Variants in DMC1 observed in about 807,000 individuals in gnomAD.
DMC1 encodes meiotic recombination protein DMC1 homolog.
A neutral mutation model predicts 50.1 loss-of-function variants in DMC1; 27 were observed. The ratio of observed to expected loss-of-function variants is 0.54; its 90% CI spans 0.40 to 0.74. The LOEUF (loss-of-function observed/expected upper bound fraction) is 0.74, where lower values mean the gene tolerates loss of function less well. DMC1 is among the 30% of genes least tolerant of loss of function. DMC1 has a pLI of 0.00. For missense variants in DMC1, 295 were observed against 420.2 expected (o/e 0.70, Z 2.60); for synonymous variants, 148 against 136.1 (o/e 1.09, Z -0.61).
At chr22:38,562,467 T>C in intron 4 of DMC1, 98 bp from the exon 5 acceptor site, 1 of 847,586 alleles carries the variant, frequency 1.2e-6, no homozygotes, top group African/African-American at 1.7e-5. Context: ...ATTAAGATCA[T>C]CATTTGGTAT....
intron 6 of DMC1, 96 bp downstream of exon 6, chr22:38,555,261 T>G: frequency 2.5e-6 from 2 of 802,574 alleles, no homozygotes; most frequent in Non-Finnish European, 4.2e-6. Context: ...AATTTATTAT[T>G]GGTTGTTTAT....
At chr22:38,563,825 G>T (rs1442839229) in intron 4 of DMC1, among the ~76,000 whole-genome samples, 1 of 151,566 alleles carries the variant, frequency 6.6e-6, no homozygotes, top group Non-Finnish European at 1.5e-5. Flanking sequence ...TCAGCCTCCC[G>T]AGTAGCTGGG....
At chr22:38,550,440 A>T (rs2090391528) in intron 7 of DMC1, among the ~76,000 whole-genome samples, 2 of 150,218 alleles carry the variant, frequency 1.3e-5, no homozygotes, top group Admixed American at 6.6e-5. Flanking sequence ...CAGCCTCCCA[A>T]GTAGCTGGGA....
At chr22:38,524,369 G>A (rs181082510) in intron 12 of DMC1, among the ~76,000 whole-genome samples, 2 of 152,088 alleles carry the variant, frequency 1.3e-5, no homozygotes, top group Admixed American at 1.3e-4. Flanking sequence ...AGCTGATCGC[G>A]CCACCGGTGG....
At chr22:38,527,218 T>A (rs1224855185) in intron 12 of DMC1, among the ~76,000 whole-genome samples, 1 of 152,154 alleles carries the variant, frequency 6.6e-6, no homozygotes, top group African/African-American at 2.4e-5. Flanking sequence ...TTTTATTTTT[T>A]TTTTTAGACG....
intron 12 of DMC1, among the ~76,000 whole-genome samples, chr22:38,527,214 T>TG (rs1208730549): frequency 6.7e-6 from 1 of 150,092 alleles, no homozygotes; most frequent in African/African-American, 2.4e-5. Context: ...CTTCTTTTAT[T>TG]TTTTTTTTTA....
downstream of DMC1, among the ~76,000 whole-genome samples, chr22:38,516,775 G>A (rs2089979339): frequency 6.6e-6 from 1 of 152,136 alleles, no homozygotes; most frequent in African/African-American, 2.4e-5. Context: ...CATTTCTGAG[G>A]CAGGGCAGGT....
chr22:38,534,501 G>A (rs752058446), intron 12 of DMC1, among the ~76,000 whole-genome samples: 1 of 151,970 alleles, frequency 6.6e-6, no homozygotes, highest in Non-Finnish European at 1.5e-5. Context: ...TCAGGAGTTC[G>A]AGACCAGCCT....
chr22:38,547,531 T>G (rs532470640), intron 8 of DMC1, among the ~76,000 whole-genome samples: 1 of 151,918 alleles, frequency 6.6e-6, no homozygotes, highest in Non-Finnish European at 1.5e-5. Context: ...ATATTTTTTC[T>G]TCCTATTTGT....
intron 8 of DMC1, among the ~76,000 whole-genome samples, chr22:38,548,987 C>A (rs1308508616): frequency 1.3e-5 from 2 of 152,288 alleles, no homozygotes; most frequent in East Asian, 3.9e-4. Context: ...GTTTCTCAAA[C>A]CTGTCTTTCC....
At chr22:38,516,911 G>C (rs564817886), downstream of DMC1, among the ~76,000 whole-genome samples, 2 of 152,050 alleles carry the variant, frequency 1.3e-5, no homozygotes, top group Non-Finnish European at 2.9e-5. Flanking sequence ...TTGCAGCCTC[G>C]ACTTCCTGGG....
At chr22:38,568,824 A>G (rs1270572495) in intron 1 of DMC1, among the ~76,000 whole-genome samples, 2 of 152,076 alleles carry the variant, frequency 1.3e-5, no homozygotes, top group Admixed American at 1.3e-4. Context: ...TGTAACATCC[A>G]CCTTTTTGTT....
intron 13 of DMC1, among the ~76,000 whole-genome samples, chr22:38,520,862 CTTTTTTG>C (rs142793497): frequency 0.019 from 2,917 of 151,694 alleles, 81 homozygotes; most frequent in African/African-American, 0.067. Context: ...TTATCCAATT[CTTTTTTG>C]TTTTTTGTTT....
chr22:38,568,914 C>T (rs1312590695), intron 1 of DMC1, among the ~76,000 whole-genome samples: 9 of 151,842 alleles, frequency 5.9e-5, no homozygotes, highest in East Asian at 3.9e-4. Flanking sequence ...TATGGTGGTC[C>T]GGGTGTGGAG....
intron 12 of DMC1, among the ~76,000 whole-genome samples, chr22:38,528,942 G>C (rs1019348137): frequency 6.6e-6 from 1 of 152,098 alleles, no homozygotes; most frequent in Non-Finnish European, 1.5e-5. Flanking sequence ...AAGTCTTGAG[G>C]TGAAGTACAA....
At chr22:38,566,943 G>A (rs1287673561) in intron 3 of DMC1, among the ~76,000 whole-genome samples, 1 of 152,172 alleles carries the variant, frequency 6.6e-6, no homozygotes, top group East Asian at 1.9e-4. Flanking sequence ...TGTTCTGACT[G>A]TGCCCTGATT....
At chr22:38,543,275 G>A (rs1439879042) in intron 8 of DMC1, among the ~76,000 whole-genome samples, 1 of 150,982 alleles carries the variant, frequency 6.6e-6, no homozygotes, top group East Asian at 1.9e-4. Context: ...TGTCACCCAG[G>A]CTGGAGTGCA....
intron 8 of DMC1, among the ~76,000 whole-genome samples, chr22:38,548,032 T>G (rs1367623341): frequency 6.6e-6 from 1 of 152,222 alleles, no homozygotes; most frequent in Non-Finnish European, 1.5e-5. Context: ...CTTGAAACTT[T>G]CCTTTTGCTT....
intron 6 of DMC1, among the ~76,000 whole-genome samples, chr22:38,552,966 G>T (rs898493114): frequency 6.6e-6 from 1 of 151,488 alleles, no homozygotes. Flanking sequence ...TCCTGACTCA[G>T]CCTCCTGAGT....
Sources: allele counts gnomAD v4.1 joint callset (sites outside exome capture counted in the v4.1 genomes callset), GRCh38; gene constraint gnomAD v4.1.1; transcripts MANE v1.5; gene names NCBI Gene and HGNC (gene_info 2026-07-23, HGNC 2026-07-21).